Variants in ADAMTS2 observed in about 807,000 individuals in gnomAD.
The protein encoded by ADAMTS2 is A disintegrin and metalloproteinase with thrombospondin motifs 2.
A neutral mutation model predicts 123.0 loss-of-function variants in ADAMTS2; 50 were observed. That is an observed-to-expected ratio of 0.41 (90% CI 0.32 to 0.51). The LOEUF is 0.51. ADAMTS2 is among the 20% of genes least tolerant of loss of function. The pLI, the probability that ADAMTS2 is intolerant of heterozygous loss-of-function variation, is 0.35. For missense variants in ADAMTS2, 1,494 were observed against 1,705.2 expected (o/e 0.88, Z 2.18); for synonymous variants, 678 against 695.4 (o/e 0.98, Z 0.39).
At chr5:179,226,369 C>G (rs2113419183) in intron 3 of ADAMTS2, among the ~76,000 whole-genome samples, 1 of 151,498 alleles carries the variant, frequency 6.6e-6, no homozygotes, top group South Asian at 2.1e-4. Flanking sequence ...CGGATTCAAG[C>G]AGTTTTCCTG....
rs748247714 is a variant in ADAMTS2 at position 179,158,312 on chromosome 5, C to A, written c.1132+411G>T. ...CATCTCTTACTCCAAGAACATGGAG[C>A]CATCCACCTACGTTATCTTCTTTCA... On this transcript the variant is annotated intron_variant, in intron 6 of 21. Transcript: ENST00000251582. The surrounding 1 kb of genome is among the most constrained non-coding windows in gnomAD (Gnocchi z 5.0). Among the ~76,000 whole-genome samples, 14 of 152,270 alleles carry A rather than the reference C, an allele frequency of 9.2e-5. No individual in the cohort carries two copies. The highest frequency in any genetic ancestry group is 9.2e-4 in the Admixed American group (14 of 15,298).
chr5:179,232,260 G>A (rs765100641), intron 3 of ADAMTS2, among the ~76,000 whole-genome samples: 8 of 152,184 alleles, frequency 5.3e-5, no homozygotes, highest in African/African-American at 9.7e-5. Context: ...CTCCGACTAT[G>A]CCCAAGTGCG....
In ADAMTS2 at chr5:179,299,866, G is replaced by A. The variant is rs532924900; in HGVS notation, c.535-26802C>T. ...TCCCAGCACTTTGGGAGGCTGAGGC[G>A]GGCGGATCACAAGGTCAGGAGATGG... On this transcript the variant is annotated intron_variant, in intron 2 of 21. Coordinates refer to ENST00000251582, the MANE Select transcript of ADAMTS2 (RefSeq NM_014244.5). Among the ~76,000 whole-genome samples the A allele has an allele frequency of 6.6e-5, 10 of 151,960 alleles. No homozygotes were observed. The South Asian group carries it at 1.5e-3, about 22-fold the overall frequency.
At chr5:179,182,500 C>T (rs1316816434) in intron 4 of ADAMTS2, among the ~76,000 whole-genome samples, 1 of 152,116 alleles carries the variant, frequency 6.6e-6, no homozygotes, top group African/African-American at 2.4e-5. Context: ...CGAGGGTTCA[C>T]AAGGAGAATG....
intron 3 of ADAMTS2, among the ~76,000 whole-genome samples, chr5:179,241,520 C>T (rs1048921532): frequency 1.2e-4 from 18 of 152,334 alleles, no homozygotes; most frequent in African/African-American, 4.3e-4. Flanking sequence ...CAAACAGAGT[C>T]AAAATCAATT....
At chr5:179,309,086 A>G (rs1756753121) in intron 2 of ADAMTS2, among the ~76,000 whole-genome samples, 1 of 152,192 alleles carries the variant, frequency 6.6e-6, no homozygotes, top group Admixed American at 6.5e-5. Context: ...CATCCACAGG[A>G]AGCTACATGG....
At chr5:179,213,607 G>T (rs1764910750) in intron 3 of ADAMTS2, among the ~76,000 whole-genome samples, 1 of 152,218 alleles carries the variant, frequency 6.6e-6, no homozygotes, top group South Asian at 2.1e-4. Context: ...CACACTGGGG[G>T]TGGGGAGCCG....
intron 21 of ADAMTS2, chr5:179,120,881 G>C (rs569027359): frequency 4.2e-4 from 64 of 152,374 alleles, no homozygotes; most frequent in African/African-American, 1.5e-3. Context: ...TCTGAAGCTG[G>C]AGTTGGCAGC....
At chr5:179,316,422 C>A (rs116261332) in intron 2 of ADAMTS2, among the ~76,000 whole-genome samples, 6,167 of 152,246 alleles carry the variant, frequency 0.041, 186 homozygotes, top group Non-Finnish European at 0.065. Flanking sequence ...GCTGGGGAGT[C>A]GGCCACAGCT....
chr5:179,274,975 A>G (rs1453317851), intron 2 of ADAMTS2, among the ~76,000 whole-genome samples: 1 of 152,116 alleles, frequency 6.6e-6, no homozygotes, highest in Non-Finnish European at 1.5e-5. Flanking sequence ...AGTGCTCCAT[A>G]TGGGGGAAAC....
chr5:179,184,575 G>C (rs184967590), intron 4 of ADAMTS2, among the ~76,000 whole-genome samples: 1 of 151,374 alleles, frequency 6.6e-6, no homozygotes, highest in Non-Finnish European at 1.5e-5. Context: ...GAGCCTAAGC[G>C]TGTAAATGTT....
intron 3 of ADAMTS2, among the ~76,000 whole-genome samples, chr5:179,232,085 G>C (rs1765423448): frequency 6.6e-6 from 1 of 152,176 alleles, no homozygotes; most frequent in South Asian, 2.1e-4. Context: ...GAAATAGAGT[G>C]CATCTTTTTA....
intron 2 of ADAMTS2, among the ~76,000 whole-genome samples, chr5:179,337,526 A>C (rs1757647848): frequency 6.6e-6 from 1 of 152,176 alleles, no homozygotes; most frequent in Non-Finnish European, 1.5e-5. Flanking sequence ...GGACACGCAC[A>C]CGTCCACATG....
intron 2 of ADAMTS2, among the ~76,000 whole-genome samples, chr5:179,335,218 A>C (rs972606156): frequency 6.6e-6 from 1 of 152,234 alleles, no homozygotes; most frequent in African/African-American, 2.4e-5. Context: ...GTTTTTAAAA[A>C]AAAAAGACAC....
chr5:179,145,712 C>A (rs999744949), intron 10 of ADAMTS2, among the ~76,000 whole-genome samples: 1 of 151,994 alleles, frequency 6.6e-6, no homozygotes, highest in Non-Finnish European at 1.5e-5. Flanking sequence ...TGGAGTTGGG[C>A]GAGAGTAGGA....
At chr5:179,246,012 G>A (rs1765796028) in intron 3 of ADAMTS2, among the ~76,000 whole-genome samples, 1 of 152,038 alleles carries the variant, frequency 6.6e-6, no homozygotes, top group Non-Finnish European at 1.5e-5. Context: ...GACTTTTTTG[G>A]AACTCCAGAA....
Position 179,189,644 on chromosome 5 carries a change from A to T in ADAMTS2, c.892-8489T>A, listed in dbSNP as rs984878619. On this transcript the variant is annotated intron_variant, in intron 4 of 21. Transcript: ENST00000251582. The surrounding 1 kb of genome is among the most constrained non-coding windows in gnomAD (Gnocchi z 4.2). ...AGTGCTGGGATTACAGGCGTGAGCC[A>T]CCGCGCCCGGCCAGGAGCAATTTTT... Among the ~76,000 whole-genome samples the T allele has an allele frequency of 6.8e-6, 1 of 147,304 alleles. No homozygotes were observed. Among genetic ancestry groups the T allele is most frequent in the African/African-American group, 2.5e-5 (1 of 39,844 alleles).
chr5:179,137,733 G>T, intron 12 of ADAMTS2, 36 bp downstream of exon 12: 1 of 1,529,926 alleles, frequency 6.5e-7, no homozygotes, highest in Non-Finnish European at 8.8e-7. Flanking sequence ...GGGCCTGCCT[G>T]CTGAGCCCCC....
chr5:179,125,308 C>T (rs531120609), intron 18 of ADAMTS2, 128 bp from the exon 19 acceptor site: 37 of 769,428 alleles, frequency 4.8e-5, no homozygotes, highest in African/African-American at 2.6e-4. Flanking sequence ...CACCCCTCCC[C>T]GGTGCACCTT....
Sources: allele counts gnomAD v4.1 joint callset (sites outside exome capture counted in the v4.1 genomes callset), GRCh38; gene constraint gnomAD v4.1.1; non-coding constraint Gnocchi (gnomAD v3.1); transcripts MANE v1.5; gene names NCBI Gene and HGNC (gene_info 2026-07-23, HGNC 2026-07-21).